Variants in GRB10 observed in about 807,000 individuals in gnomAD.
GRB10 encodes the protein growth factor receptor bound protein 10.
A neutral mutation model predicts 80.9 loss-of-function variants in GRB10; 20 were observed. The observed-to-expected ratio is 0.25, with a 90% CI of 0.17 to 0.36. GRB10 has a LOEUF of 0.36. Ranked by LOEUF, GRB10 falls within the 10% of genes least tolerant of loss-of-function variation. The pLI is 1.00. For missense variants in GRB10, 548 were observed against 747.7 expected, an observed-to-expected ratio of 0.73 and a Z score of 3.12; for synonymous variants, 291 against 291.5, an observed-to-expected ratio of 1.00 and a Z score of 0.02.
At chr7:50,711,068 C>T (rs2153674927) in intron 4 of GRB10, 2 of 671,926 alleles carry the variant, frequency 3.0e-6, no homozygotes, top group South Asian at 3.3e-5. Context: ...AGCAGAATGA[C>T]AGGGATTCGA....
chr7:50,688,779 T>A (rs1247161521), intron 5 of GRB10, among the ~76,000 whole-genome samples: 1 of 104,836 alleles, frequency 9.5e-6, no homozygotes, highest in African/African-American at 4.1e-5. Flanking sequence ...AGGGTGGGGG[T>A]CGGGTGGGTG....
At chr7:50,661,942 C>T (rs535488240) in intron 7 of GRB10, among the ~76,000 whole-genome samples, 2 of 152,326 alleles carry the variant, frequency 1.3e-5, no homozygotes, top group South Asian at 4.1e-4. Context: ...CCCTAGACTT[C>T]CTGTTCTGCA....
chr7:50,624,735 G>A (rs2052561566), intron 8 of GRB10, among the ~76,000 whole-genome samples: 1 of 152,148 alleles, frequency 6.6e-6, no homozygotes. Flanking sequence ...TGGTGAGAAA[G>A]AAAACTGAGG....
chr7:50,629,790 T>C lies in GRB10; in HGVS notation c.505-2812A>G, dbSNP rs149130900. 1.5e-3 allele frequency among the ~76,000 whole-genome samples: 236 copies of C among 152,282 alleles called. 6 individuals carry two copies. The East Asian group carries it at 0.04, about 26-fold the overall frequency. ...TTCTGTACAGCACCAACTGCCCCTTTAGTAACCACCTGAGCACTGCTGGGG... is the reference window on the plus strand; with the variant it reads ...TTCTGTACAGCACCAACTGCCCCTTCAGTAACCACCTGAGCACTGCTGGGG... On this transcript the variant is annotated intron_variant, in intron 7 of 18. Transcript: ENST00000401949.
At chr7:50,739,567 A>G (rs138441259) in intron 3 of GRB10, among the ~76,000 whole-genome samples, 744 of 152,310 alleles carry the variant, frequency 4.9e-3, no homozygotes, top group Non-Finnish European at 8.4e-3. Context: ...GCATGCTAAG[A>G]ACCCATGCAA....
intron 17 of GRB10, among the ~76,000 whole-genome samples, chr7:50,603,268 T>C (rs2047932580): frequency 6.6e-6 from 1 of 152,228 alleles, no homozygotes; most frequent in Admixed American, 6.5e-5. Context: ...CCCATGTCCC[T>C]GTCCCTATAT....
intron 5 of GRB10, among the ~76,000 whole-genome samples, chr7:50,702,484 C>G (rs758548431): frequency 6.6e-6 from 1 of 152,212 alleles, no homozygotes; most frequent in African/African-American, 2.4e-5. Context: ...TTGGCTTTCC[C>G]ATTTTACATG....
intron 3 of GRB10, among the ~76,000 whole-genome samples, chr7:50,734,934 T>C (rs7809775): frequency 0.55 from 83,088 of 152,022 alleles, 25,939 homozygotes; most frequent in Middle Eastern, 0.8. Context: ...CTATTCAACA[T>C]AGTATTGGAA....
chr7:50,787,268 CAGG>C (rs56235564), upstream of GRB10, among the ~76,000 whole-genome samples: 26 of 148,758 alleles, frequency 1.7e-4, no homozygotes, highest in South Asian at 6.5e-4. Context: ...CTCTGGAGAG[CAGG>C]AGGAGGAGGA....
At chr7:50,713,714 C>T (rs1344223496) in intron 4 of GRB10, among the ~76,000 whole-genome samples, 1 of 148,862 alleles carries the variant, frequency 6.7e-6, no homozygotes, top group African/African-American at 2.5e-5. Flanking sequence ...TCCATCCTCA[C>T]CTCCACCTCC....
chr7:50,684,922 G>T (rs2061947401), intron 5 of GRB10, among the ~76,000 whole-genome samples: 1 of 152,086 alleles, frequency 6.6e-6, no homozygotes, highest in Admixed American at 6.5e-5. Context: ...ATTCTGGAAG[G>T]TTCTCATTTT....
At chr7:50,638,686 A>G (rs1339864414) in intron 7 of GRB10, among the ~76,000 whole-genome samples, 1 of 152,210 alleles carries the variant, frequency 6.6e-6, no homozygotes, top group African/African-American at 2.4e-5. Flanking sequence ...CAGTATGGAG[A>G]TTTCCCAAAG....
At chr7:50,616,588 AT>A (rs1395653671) in intron 10 of GRB10, among the ~76,000 whole-genome samples, 1 of 152,238 alleles carries the variant, frequency 6.6e-6, no homozygotes, top group Non-Finnish European at 1.5e-5. Context: ...AACACGAGTC[AT>A]GAATTTCCCT....
At chr7:50,770,806 T>C (rs574059571) in intron 2 of GRB10, among the ~76,000 whole-genome samples, 4 of 152,352 alleles carry the variant, frequency 2.6e-5, no homozygotes, top group African/African-American at 4.8e-5. Flanking sequence ...TAAAAGATGT[T>C]ATGTTTACAT....
intron 5 of GRB10, among the ~76,000 whole-genome samples, chr7:50,692,295 C>G (rs1375580117): frequency 6.6e-6 from 1 of 152,106 alleles, no homozygotes; most frequent in African/African-American, 2.4e-5. Flanking sequence ...TGTGTACACA[C>G]ACACACACAC....
At chr7:50,738,465 G>T (rs551324174) in intron 3 of GRB10, among the ~76,000 whole-genome samples, 1 of 152,288 alleles carries the variant, frequency 6.6e-6, no homozygotes, top group African/African-American at 2.4e-5. Flanking sequence ...AAGGGACACG[G>T]TCTCCCTCTG....
At chr7:50,604,502 C>T (rs1159504944) in intron 15 of GRB10, 125 bp from the exon 16 acceptor site, 1 of 811,028 alleles carries the variant, frequency 1.2e-6, no homozygotes, top group African/African-American at 1.7e-5. Flanking sequence ...GGACCTTGCC[C>T]CATCTGAAGA....
chr7:50,731,552 A>G (rs1347305332), intron 4 of GRB10, among the ~76,000 whole-genome samples: 1 of 152,168 alleles, frequency 6.6e-6, no homozygotes, highest in African/African-American at 2.4e-5. Flanking sequence ...ACGAGTAAGG[A>G]TGAACCAGGA....
At position 50,657,986 on chromosome 7, in the gene GRB10, A is replaced by G. The variant is rs145825145; in HGVS notation, c.504+11736T>C. 5.1e-3 allele frequency among the ~76,000 whole-genome samples: 781 copies of G among 152,356 alleles called. 3 individuals carry two copies. The highest frequency in any genetic ancestry group is 0.018 in the African/African-American group (732 of 41,576). On this transcript the variant is annotated intron_variant, in intron 7 of 18. Transcript: ENST00000401949. ...GCCTAAGGAAAGAAAAACAGAAAAG[A>G]CATGGAGGAAAAGAGATGGCCATTG...
Sources: allele counts gnomAD v4.1 joint callset (sites outside exome capture counted in the v4.1 genomes callset), GRCh38; gene constraint gnomAD v4.1.1; transcripts MANE v1.5; gene names NCBI Gene and HGNC (gene_info 2026-07-23, HGNC 2026-07-21).